The following GRIP1 variants were observed in gnomAD, a reference collection of about 807,000 sequenced individuals.
GRIP1 encodes glutamate receptor-interacting protein 1.
A neutral mutation model predicts 129.9 loss-of-function variants in GRIP1; 45 were observed. The observed-to-expected ratio is 0.35, with a 90% CI of 0.27 to 0.44. GRIP1 has a LOEUF of 0.44. Among genes scored for constraint, GRIP1 ranks in the 20% least tolerant of loss-of-function variants. The pLI is 1.00. For synonymous variants in GRIP1, 530 were observed against 520.8 expected (o/e 1.02, Z -0.24); for missense variants, 1,196 against 1,396.8 (o/e 0.86, Z 2.29).
Position 66,380,847 on chromosome 12 carries a change from T to TGTGC in GRIP1, c.2465-1412_2465-1411insGCAC, listed in dbSNP as rs768332770. On this transcript the variant is annotated intron_variant, in intron 19 of 24. Transcript: ENST00000359742. ...GTTGTGACTTGTGTGTGTGCATGTG[T>TGTGC]ATTTACATGGATGCGCTGGCTTGGA... Among the ~76,000 whole-genome samples, 108 of 152,310 alleles carry TGTGC rather than the reference T, an allele frequency of 7.1e-4. 1 individual carries two copies. The highest frequency in any genetic ancestry group is 1.2e-3 in the Non-Finnish European group (80 of 68,026).
intron 15 of GRIP1, among the ~76,000 whole-genome samples, chr12:66,417,840 ATTG>A (rs1312619431): frequency 6.6e-6 from 1 of 152,166 alleles, no homozygotes; most frequent in Non-Finnish European, 1.5e-5. Context: ...AAGGATCAAT[ATTG>A]TTAAAATATC....
At chr12:66,467,873 G>A (rs1448267340) in intron 7 of GRIP1, among the ~76,000 whole-genome samples, 4 of 152,162 alleles carry the variant, frequency 2.6e-5, no homozygotes, top group African/African-American at 9.7e-5. Flanking sequence ...ATTTTAATAG[G>A]TATGTTTGTG....
intron 1 of GRIP1, among the ~76,000 whole-genome samples, chr12:67,045,488 G>C (rs1720944325): frequency 1.3e-5 from 2 of 152,184 alleles, no homozygotes; most frequent in South Asian, 4.1e-4. Flanking sequence ...CAACTTTCCT[G>C]TAAGGGCCAT....
At chr12:66,365,671 AC>A (rs1257338432) in intron 23 of GRIP1, among the ~76,000 whole-genome samples, 1 of 152,116 alleles carries the variant, frequency 6.6e-6, no homozygotes, top group African/African-American at 2.4e-5. Context: ...TGCTGGTCAA[AC>A]TGATAAGTGA....
chr12:66,584,460 C>T (rs1373153504), intron 2 of GRIP1, among the ~76,000 whole-genome samples: 1 of 152,118 alleles, frequency 6.6e-6, no homozygotes. Context: ...GTAATCCCAG[C>T]TACTCGGGAG....
chr12:66,932,947 G>C (rs1200891417), intron 1 of GRIP1, among the ~76,000 whole-genome samples: 3 of 152,190 alleles, frequency 2.0e-5, no homozygotes, highest in African/African-American at 7.2e-5. Flanking sequence ...GATTACAGGT[G>C]TGAGCCACCG....
intron 1 of GRIP1, among the ~76,000 whole-genome samples, chr12:66,721,987 G>C (rs1195198017): frequency 6.6e-6 from 1 of 152,174 alleles, no homozygotes; most frequent in African/African-American, 2.4e-5. Flanking sequence ...CTCTGGATTA[G>C]GCTTTGATTT....
intron 1 of GRIP1, among the ~76,000 whole-genome samples, chr12:66,788,541 T>A (rs2038430416): frequency 6.6e-6 from 1 of 151,950 alleles, no homozygotes; most frequent in Admixed American, 6.6e-5. Flanking sequence ...ATGTCACTTC[T>A]GAAATTAAAT....
intron 1 of GRIP1, among the ~76,000 whole-genome samples, chr12:66,829,845 A>C (rs543270176): frequency 1.3e-5 from 2 of 152,274 alleles, no homozygotes; most frequent in African/African-American, 2.4e-5. Flanking sequence ...AAGGAAACTA[A>C]GACTTCCTGA....
At chr12:66,675,453 A>G (rs1209067221) in intron 1 of GRIP1, among the ~76,000 whole-genome samples, 1 of 152,172 alleles carries the variant, frequency 6.6e-6, no homozygotes, top group Admixed American at 6.6e-5. Context: ...CTCAAGGAAA[A>G]GTAATCACAC....
rs187099372 is a variant in GRIP1, at chr12:66,348,622, T to G, written c.*397A>C. The G allele has an allele frequency of 3.1e-5, 7 of 225,922 alleles. No individual in the cohort carries two copies. In the Admixed American group the frequency reaches 3.6e-4, roughly 12 times the overall value. 14.0% of individuals were successfully genotyped at this position (225,922 alleles called of 1,614,324 possible). A position where few individuals can be genotyped will look rare whatever the true frequency, so the allele number is the denominator to read the frequency against. On this transcript the variant is annotated 3_prime_UTR_variant, in exon 25 of 25. Transcript: ENST00000359742. ...TTGGCCAAGTTCTTACATTAATGAC[T>G]TCATAGTAAGAAACTGATTTCAAAG...
chr12:66,485,075 C>T lies in GRIP1; in HGVS notation c.725-19653G>A, dbSNP rs547589485. On this transcript the variant is annotated intron_variant, in intron 7 of 24. Transcript: ENST00000359742. ...TGGAATTGTTGGGTCACAGGGTATG[C>T]GTATGCTCAGCTTCAGCAGATACTG... Among the ~76,000 whole-genome samples the T allele has an allele frequency of 1.8e-4, 27 of 152,218 alleles. 1 individual carries two copies. The highest frequency in any genetic ancestry group is 6.3e-4 in the African/African-American group (26 of 41,516).
chr12:66,817,980 A>C (rs2039254002), intron 1 of GRIP1, among the ~76,000 whole-genome samples: 1 of 152,202 alleles, frequency 6.6e-6, no homozygotes, highest in South Asian at 2.1e-4. Flanking sequence ...TAGTTGGAAA[A>C]GGAAGGAGTA....
intron 7 of GRIP1, among the ~76,000 whole-genome samples, chr12:66,491,619 C>T (rs2060105701): frequency 1.3e-5 from 2 of 151,934 alleles, no homozygotes; most frequent in Admixed American, 6.6e-5. Flanking sequence ...CACCCCTGAA[C>T]TTAAGAGTTG....
At chr12:66,497,775 A>T (rs1258791828) in intron 7 of GRIP1, among the ~76,000 whole-genome samples, 1 of 152,170 alleles carries the variant, frequency 6.6e-6, no homozygotes, top group East Asian at 1.9e-4. Flanking sequence ...GGAACTGTGT[A>T]CGTCAGGCCT....
intron 1 of GRIP1, among the ~76,000 whole-genome samples, chr12:66,902,812 C>T (rs2040864538): frequency 6.6e-6 from 1 of 152,124 alleles, no homozygotes; most frequent in African/African-American, 2.4e-5. Context: ...TATAAAGACC[C>T]TTAAATGCAT....
intron 19 of GRIP1, among the ~76,000 whole-genome samples, chr12:66,391,125 C>G (rs1402162680): frequency 4.6e-5 from 7 of 152,010 alleles, no homozygotes. Flanking sequence ...ACTAGGAAAA[C>G]CAGGAGAGAG....
intron 14 of GRIP1, among the ~76,000 whole-genome samples, chr12:66,422,917 T>A (rs61069255): frequency 0.2 from 29,729 of 152,082 alleles, 3,732 homozygotes; most frequent in South Asian, 0.28. Flanking sequence ...ATGTTAAATG[T>A]GGCTATGCAT....
At chr12:67,043,163 T>C (rs1013865560) in intron 1 of GRIP1, among the ~76,000 whole-genome samples, 1 of 152,182 alleles carries the variant, frequency 6.6e-6, no homozygotes, top group Non-Finnish European at 1.5e-5. Context: ...CTTGCAGTTC[T>C]ATGGCCATCA....
Sources: allele counts gnomAD v4.1 joint callset (sites outside exome capture counted in the v4.1 genomes callset), GRCh38; gene constraint gnomAD v4.1.1; transcripts MANE v1.5; gene names NCBI Gene and HGNC (gene_info 2026-07-23, HGNC 2026-07-21).